CHRM3: variants seen among roughly 807,000 people sequenced by gnomAD.
CHRM3 encodes the protein muscarinic acetylcholine receptor M3.
Under a neutral mutation model 41.8 loss-of-function variants are expected in CHRM3, and 11 were observed. The ratio of observed to expected loss-of-function variants is 0.26; its 90% CI spans 0.17 to 0.44. The LOEUF (loss-of-function observed/expected upper bound fraction) is 0.44, where lower values mean the gene tolerates loss of function less well. Among genes scored for constraint, CHRM3 ranks in the 20% least tolerant of loss-of-function variants. The pLI, the probability that CHRM3 is intolerant of heterozygous loss-of-function variation, is 1.00. For missense variants in CHRM3, 571 were observed against 745.4 expected (o/e 0.77, Z 2.72); for synonymous variants, 297 against 301.4 (o/e 0.99, Z 0.15).
chr1:239,486,497 T>C (rs1195668468), intron 1 of CHRM3, among the ~76,000 whole-genome samples: 1 of 152,180 alleles, frequency 6.6e-6, no homozygotes, highest in African/African-American at 2.4e-5. Flanking sequence ...AACTTGATCA[T>C]GACACAATTT....
At chr1:239,888,547 A>G (rs1459109119) in intron 6 of CHRM3, among the ~76,000 whole-genome samples, 2 of 151,158 alleles carry the variant, frequency 1.3e-5, no homozygotes, top group African/African-American at 2.4e-5. Flanking sequence ...GCAGTGAGCC[A>G]TGATCGCACT....
intron 3 of CHRM3, among the ~76,000 whole-genome samples, chr1:239,576,594 GCA>G (rs3063538): frequency 0.063 from 8,901 of 141,676 alleles, 369 homozygotes; most frequent in East Asian, 0.12. Context: ...ACACACACAC[GCA>G]CACACACACA....
chr1:239,618,723 A>G (rs1441635738), intron 3 of CHRM3, among the ~76,000 whole-genome samples: 2 of 149,162 alleles, frequency 1.3e-5, no homozygotes, highest in Non-Finnish European at 1.5e-5. Context: ...AGCCACCTGT[A>G]GTCCCAGCTA....
chr1:239,796,049 T>G (rs622494), intron 5 of CHRM3, among the ~76,000 whole-genome samples: 86,931 of 151,954 alleles, frequency 0.57, 26,646 homozygotes, highest in African/African-American at 0.8. Flanking sequence ...GTTCATCAAA[T>G]AAATACAAAA....
intron 1 of CHRM3, among the ~76,000 whole-genome samples, chr1:239,419,242 T>C (rs1249744985): frequency 2.6e-5 from 4 of 152,198 alleles, no homozygotes; most frequent in African/African-American, 9.7e-5. Context: ...TTCATGCTAT[T>C]GTCTCAATGA....
At chr1:239,780,311 A>G (rs1428428263) in intron 5 of CHRM3, among the ~76,000 whole-genome samples, 1 of 152,032 alleles carries the variant, frequency 6.6e-6, no homozygotes, top group East Asian at 1.9e-4. Flanking sequence ...AGTGTTCTGG[A>G]TTTTTGCTAT....
intron 4 of CHRM3, among the ~76,000 whole-genome samples, chr1:239,661,065 C>T (rs1168133429): frequency 1.3e-5 from 2 of 152,140 alleles, no homozygotes; most frequent in Admixed American, 1.3e-4. Flanking sequence ...GCCCAGGTCT[C>T]CTGATCAGTA....
At chr1:239,896,149 C>T (rs538479729) in intron 6 of CHRM3, among the ~76,000 whole-genome samples, 2 of 152,302 alleles carry the variant, frequency 1.3e-5, no homozygotes, top group Admixed American at 1.3e-4. Context: ...CAGTGAAGTG[C>T]TCTGTGAGGT....
rs191802548 is a variant in CHRM3, at chr1:239,618,661, G to C, written c.-312-13563G>C. Reference sequence around the variant, plus strand: ...AGATCGAGACCATCCTGGCTAACACGGTGAAACCCCGTCTCTACTAAAAAT... The same window carrying C: ...AGATCGAGACCATCCTGGCTAACACCGTGAAACCCCGTCTCTACTAAAAAT... On this transcript the variant is annotated intron_variant, in intron 3 of 6. Coordinates refer to ENST00000676153, the MANE Select transcript of CHRM3 (RefSeq NM_001375978.1). Among the ~76,000 whole-genome samples, 78 of 151,192 alleles carry C rather than the reference G, an allele frequency of 5.2e-4. 1 individual carries two copies. The East Asian group carries it at 5.7e-3, about 11-fold the overall frequency.
chr1:239,622,337 TA>T (rs1668470254), intron 3 of CHRM3, among the ~76,000 whole-genome samples: 1 of 152,152 alleles, frequency 6.6e-6, no homozygotes, highest in Admixed American at 6.5e-5. Context: ...CTTACTATTT[TA>T]AGAAATACAT....
At chr1:239,867,865 G>A (rs950905728) in intron 6 of CHRM3, among the ~76,000 whole-genome samples, 10 of 152,156 alleles carry the variant, frequency 6.6e-5, no homozygotes, top group African/African-American at 2.4e-4. Flanking sequence ...CTTGGACTGA[G>A]TATGTAACTG....
At chr1:239,754,183 A>C (rs183909533) in intron 5 of CHRM3, among the ~76,000 whole-genome samples, 62 of 152,352 alleles carry the variant, frequency 4.1e-4, no homozygotes, top group African/African-American at 1.4e-3. Context: ...AACGTGTTTC[A>C]ATTGCAGTAT....
chr1:239,539,855 G>T (rs138973651), intron 2 of CHRM3, among the ~76,000 whole-genome samples: 1 of 152,066 alleles, frequency 6.6e-6, no homozygotes, highest in Admixed American at 6.6e-5. Flanking sequence ...GGATTCAAGC[G>T]ATCCACCTGC....
intron 6 of CHRM3, among the ~76,000 whole-genome samples, chr1:239,848,022 T>C (rs556850673): frequency 2.0e-5 from 3 of 152,164 alleles, no homozygotes; most frequent in South Asian, 4.2e-4. Context: ...TCCATTGAAG[T>C]ATGTGAGACA....
chr1:239,712,803 A>G (rs143676026), intron 5 of CHRM3, among the ~76,000 whole-genome samples: 19 of 152,308 alleles, frequency 1.2e-4, no homozygotes, highest in African/African-American at 4.6e-4. Flanking sequence ...TGGAGTAGAG[A>G]TGGTCTGTTA....
At chr1:239,669,772 A>T (rs1674175642) in intron 4 of CHRM3, among the ~76,000 whole-genome samples, 2 of 152,222 alleles carry the variant, frequency 1.3e-5, no homozygotes, top group African/African-American at 4.8e-5. Context: ...CCACTGTATT[A>T]AAAAAGGTTT....
At chr1:239,816,539 T>A (rs943149883) in intron 5 of CHRM3, among the ~76,000 whole-genome samples, 1 of 151,908 alleles carries the variant, frequency 6.6e-6, no homozygotes, top group African/African-American at 2.4e-5. Flanking sequence ...GATAACAAGC[T>A]CAGAATGTTG....
intron 2 of CHRM3, among the ~76,000 whole-genome samples, chr1:239,501,596 C>T (rs1668242940): frequency 6.6e-6 from 1 of 152,130 alleles, no homozygotes; most frequent in African/African-American, 2.4e-5. Context: ...TGGCTCATGC[C>T]TGTAATCTCA....
At chr1:239,706,607 TG>T (rs995870761) in intron 5 of CHRM3, 1 of 128,894 alleles carries the variant, frequency 7.8e-6, no homozygotes, top group African/African-American at 3.3e-5. Context: ...CCCCCACACA[TG>T]TGTCCATGTA....
Sources: allele counts gnomAD v4.1 joint callset (sites outside exome capture counted in the v4.1 genomes callset), GRCh38; gene constraint gnomAD v4.1.1; transcripts MANE v1.5; gene names NCBI Gene and HGNC (gene_info 2026-07-23, HGNC 2026-07-21).